Variants in ZRANB3 observed in about 807,000 individuals in gnomAD.
The protein encoded by ZRANB3 is DNA annealing helicase and endonuclease ZRANB3.
A neutral mutation model predicts 133.8 loss-of-function variants in ZRANB3; 125 were observed. That is an observed-to-expected ratio of 0.93 (90% CI 0.81 to 1.08). The LOEUF is 1.08. Ranked by LOEUF, ZRANB3 falls within the 50% of genes least tolerant of loss-of-function variation. The pLI is 0.00. For missense variants in ZRANB3, 1,229 were observed against 1,275.5 expected (o/e 0.96, Z 0.56); for synonymous variants, 387 against 432.7 (o/e 0.89, Z 1.31).
chr2:135,289,673 C>G (rs1220511367), intron 8 of ZRANB3, among the ~76,000 whole-genome samples: 3 of 152,152 alleles, frequency 2.0e-5, no homozygotes, highest in African/African-American at 7.2e-5. Flanking sequence ...GAGGCAAAGT[C>G]AGGTGGATCA....
intron 2 of ZRANB3, among the ~76,000 whole-genome samples, chr2:135,472,179 T>A (rs948276730): frequency 2.0e-5 from 3 of 152,200 alleles, no homozygotes; most frequent in African/African-American, 7.2e-5. Flanking sequence ...TCTTATAGTG[T>A]ATTCAAATTA....
At chr2:135,514,131 T>C (rs1368108915) in intron 1 of ZRANB3, among the ~76,000 whole-genome samples, 1 of 152,222 alleles carries the variant, frequency 6.6e-6, no homozygotes, top group Non-Finnish European at 1.5e-5. Flanking sequence ...CGGGCTCTTT[T>C]TTGGTTCCAT....
chr2:135,405,527 G>C (rs971562823), intron 2 of ZRANB3, among the ~76,000 whole-genome samples: 4 of 152,144 alleles, frequency 2.6e-5, no homozygotes, highest in Non-Finnish European at 5.9e-5. Context: ...ATTCTTCTCA[G>C]CACCACAGCA....
At chr2:135,406,309 C>T (rs1688024835) in intron 2 of ZRANB3, among the ~76,000 whole-genome samples, 1 of 152,124 alleles carries the variant, frequency 6.6e-6, no homozygotes. Context: ...AAAACAGGCT[C>T]TGAAATTGAG....
At chr2:135,273,774 T>C (rs750047514) in intron 9 of ZRANB3, among the ~76,000 whole-genome samples, 1 of 152,154 alleles carries the variant, frequency 6.6e-6, no homozygotes, top group Non-Finnish European at 1.5e-5. Flanking sequence ...CGACCTCAGA[T>C]GATCTGCCCG....
chr2:135,445,568 G>A (rs1205232946), intron 2 of ZRANB3, among the ~76,000 whole-genome samples: 1 of 152,056 alleles, frequency 6.6e-6, no homozygotes, highest in Non-Finnish European at 1.5e-5. Flanking sequence ...TACATAATAG[G>A]AGGCAATGGT....
At chr2:135,485,156 A>T (rs1269364562) in intron 2 of ZRANB3, among the ~76,000 whole-genome samples, 1 of 142,516 alleles carries the variant, frequency 7.0e-6, no homozygotes, top group African/African-American at 2.9e-5. Flanking sequence ...AACAAAACAA[A>T]ACAAAACAAA....
intron 8 of ZRANB3, among the ~76,000 whole-genome samples, chr2:135,284,529 T>A (rs1415298902): frequency 6.6e-6 from 1 of 152,220 alleles, no homozygotes; most frequent in Non-Finnish European, 1.5e-5. Context: ...TGGAGTGCAG[T>A]GGCGCGATCT....
chr2:135,246,379 G>A (rs1238637108), intron 12 of ZRANB3, among the ~76,000 whole-genome samples: 1 of 151,810 alleles, frequency 6.6e-6, no homozygotes, highest in Admixed American at 6.6e-5. Flanking sequence ...GTCTTTTTTT[G>A]TTAATTTTTC....
rs1573930982 is a variant in ZRANB3, at chr2:135,335,602, A to G, written c.677+9948T>C. 2.0e-5 allele frequency among the ~76,000 whole-genome samples: 3 copies of G among 152,270 alleles called. No individual in the cohort carries two copies. In the East Asian group the frequency reaches 5.8e-4, roughly 29 times the overall value. On this transcript the variant is annotated intron_variant, in intron 6 of 20. Transcript: ENST00000264159. ...CACCTATTTGCGAGGCTGAGGCAGG[A>G]CAATCTCTTGAACCAGGGAAGCGGA... is the stretch of plus-strand genomic sequence containing the variant.
chr2:135,347,331 C>T (rs866923369), intron 5 of ZRANB3, among the ~76,000 whole-genome samples: 4 of 139,632 alleles, frequency 2.9e-5, no homozygotes, highest in South Asian at 4.4e-4. Flanking sequence ...CTCGCTCTGT[C>T]GCCCAGGCTG....
At chr2:135,277,346 T>C (rs1432654807) in intron 8 of ZRANB3, among the ~76,000 whole-genome samples, 2 of 152,230 alleles carry the variant, frequency 1.3e-5, no homozygotes, top group Non-Finnish European at 2.9e-5. Flanking sequence ...ATAAATTGTA[T>C]ACATGCGCAG....
chr2:135,451,771 C>G (rs1339558621), intron 2 of ZRANB3, among the ~76,000 whole-genome samples: 1 of 152,146 alleles, frequency 6.6e-6, no homozygotes, highest in Non-Finnish European at 1.5e-5. Context: ...CTAATTACAG[C>G]ATTCCATATG....
intron 2 of ZRANB3, among the ~76,000 whole-genome samples, chr2:135,411,609 C>T (rs1688305291): frequency 6.6e-6 from 1 of 152,114 alleles, no homozygotes; most frequent in African/African-American, 2.4e-5. Flanking sequence ...ATGTCCTTTG[C>T]AACAACATGC....
intron 12 of ZRANB3, among the ~76,000 whole-genome samples, chr2:135,245,925 T>TAAAAAAA (rs1695768780): frequency 5.4e-5 from 1 of 18,504 alleles, no homozygotes; most frequent in Non-Finnish European, 6.0e-5. Context: ...AAACTCCGTC[T>TAAAAAAA]CAAAAAAAAA....
At chr2:135,520,204 C>T (rs1391027796) in intron 1 of ZRANB3, among the ~76,000 whole-genome samples, 6 of 150,924 alleles carry the variant, frequency 4.0e-5, no homozygotes, top group Admixed American at 2.0e-4. Flanking sequence ...GCAAACATAG[C>T]GAAAACCCAT....
chr2:135,339,275 G>T (rs938229223), intron 6 of ZRANB3, among the ~76,000 whole-genome samples: 1 of 152,152 alleles, frequency 6.6e-6, no homozygotes, highest in African/African-American at 2.4e-5. Context: ...GCTGGGTGTG[G>T]TGGTGCATGC....
intron 2 of ZRANB3, among the ~76,000 whole-genome samples, chr2:135,398,889 A>G (rs1687617329): frequency 6.6e-6 from 1 of 152,112 alleles, no homozygotes; most frequent in Non-Finnish European, 1.5e-5. Context: ...TCATATACCT[A>G]TCCAACCAAT....
At chr2:135,349,041 A>T (rs1480767705) in intron 5 of ZRANB3, among the ~76,000 whole-genome samples, 1 of 152,198 alleles carries the variant, frequency 6.6e-6, no homozygotes, top group Non-Finnish European at 1.5e-5. Flanking sequence ...TGGGCATCCA[A>T]GAGTAAAAAC....
Sources: gnomAD v4.1 joint callset for allele counts (sites outside exome capture counted in the v4.1 genomes callset) on GRCh38, gnomAD v4.1.1 for gene constraint, MANE v1.5 for transcripts, NCBI Gene and HGNC (gene_info 2026-07-23, HGNC 2026-07-21) for gene names.